Variants in CEP112 observed in about 807,000 individuals in gnomAD.
CEP112 encodes the protein centrosomal protein 112, also known as centrosomal protein of 112 kDa.
CEP112 carries 127 observed loss-of-function variants against 153.0 expected under a neutral mutation model. That is an observed-to-expected ratio of 0.83 (90% CI 0.72 to 0.96). CEP112 has a LOEUF of 0.96. Among genes scored for constraint, CEP112 ranks in the 40% least tolerant of loss-of-function variants. The probability of loss-of-function intolerance (pLI) is 0.00; values close to 1 mark genes in which losing one functional copy is unlikely to be tolerated. For synonymous variants in CEP112, 358 were observed against 374.4 expected (o/e 0.96, Z 0.51); for missense variants, 1,089 against 1,101.2 (o/e 0.99, Z 0.16).
intron 23 of CEP112, among the ~76,000 whole-genome samples, chr17:65,723,230 G>GA (rs1567917693): frequency 2.6e-5 from 4 of 151,856 alleles, no homozygotes; most frequent in South Asian, 4.2e-4. Flanking sequence ...CCATGCCAAA[G>GA]AAAAAAAACT....
rs150437345 is a variant in CEP112 at position 65,876,509 on chromosome 17, T to C, written c.2164-24475A>G. Among the ~76,000 whole-genome samples the C allele has an allele frequency of 1.7e-4, 26 of 152,334 alleles. 1 individual carries two copies. The East Asian group carries it at 5.0e-3, about 29-fold the overall frequency. On this transcript the variant is annotated intron_variant, in intron 20 of 26. Transcript: ENST00000535342. ...TTTTTGGGATCTCTCTTTTATTCCT[T>C]CTGTTCTGAAATGTAGCAATGATAT...
chr17:66,177,208 G>A (rs2072519165), intron 2 of CEP112, among the ~76,000 whole-genome samples, 188 bp from the exon 3 acceptor site: 1 of 152,224 alleles, frequency 6.6e-6, no homozygotes. Context: ...CTCTGCCACT[G>A]TAGCATGAAA....
intron 6 of CEP112, among the ~76,000 whole-genome samples, chr17:66,123,864 G>C (rs190519515): frequency 1.0e-3 from 155 of 151,884 alleles, no homozygotes; most frequent in African/African-American, 3.7e-3. Context: ...CCAATCTCTA[G>C]TTTAATTCTC....
At chr17:65,923,503 C>T (rs1321407127) in intron 19 of CEP112, among the ~76,000 whole-genome samples, 1 of 152,144 alleles carries the variant, frequency 6.6e-6, no homozygotes, top group African/African-American at 2.4e-5. Flanking sequence ...CATGATCATG[C>T]CACTGCACTC....
chr17:65,910,252 G>C (rs1295848619), intron 19 of CEP112, among the ~76,000 whole-genome samples: 2 of 152,120 alleles, frequency 1.3e-5, no homozygotes, highest in Admixed American at 6.5e-5. Context: ...AAATACCTGT[G>C]CCTTCATACT....
intron 20 of CEP112, among the ~76,000 whole-genome samples, chr17:65,856,469 G>A (rs1194514380): frequency 6.6e-6 from 1 of 152,060 alleles, no homozygotes; most frequent in Non-Finnish European, 1.5e-5. Context: ...TCTTAAGGAA[G>A]AGTACATATT....
intron 4 of CEP112, among the ~76,000 whole-genome samples, chr17:66,168,405 G>A (rs149710654): frequency 0.038 from 5,143 of 136,780 alleles, 127 homozygotes; most frequent in Middle Eastern, 0.064. Flanking sequence ...ATATATATGT[G>A]TATATGTGTG....
chr17:65,759,075 T>C (rs375106412), intron 21 of CEP112, among the ~76,000 whole-genome samples: 1 of 152,004 alleles, frequency 6.6e-6, no homozygotes, highest in South Asian at 2.1e-4. Context: ...AAAACCAAGA[T>C]GGTGATAAGA....
intron 21 of CEP112, among the ~76,000 whole-genome samples, chr17:65,780,871 T>G (rs1394402757): frequency 6.6e-6 from 1 of 152,152 alleles, no homozygotes; most frequent in East Asian, 1.9e-4. Context: ...AATCTAGGCA[T>G]TAGATGCCCC....
intron 17 of CEP112, among the ~76,000 whole-genome samples, chr17:65,985,133 G>A (rs148840367): frequency 0.013 from 1,954 of 152,222 alleles, 17 homozygotes; most frequent in Middle Eastern, 0.021. Flanking sequence ...GAGAGAAGCC[G>A]CAGTTGAAGG....
At chr17:66,072,859 T>C (rs2067354235) in intron 8 of CEP112, among the ~76,000 whole-genome samples, 1 of 152,182 alleles carries the variant, frequency 6.6e-6, no homozygotes, top group Admixed American at 6.6e-5. Flanking sequence ...AACTAGGGCA[T>C]GATGCCTGAT....
chr17:65,944,451 T>A (rs2061590680), intron 18 of CEP112, among the ~76,000 whole-genome samples: 1 of 152,260 alleles, frequency 6.6e-6, no homozygotes, highest in Non-Finnish European at 1.5e-5. Flanking sequence ...AGAATCATAT[T>A]TCTTTATTAA....
chr17:65,906,730 AT>A (rs1436205853), intron 19 of CEP112, among the ~76,000 whole-genome samples: 2 of 152,152 alleles, frequency 1.3e-5, no homozygotes, highest in Non-Finnish European at 2.9e-5. Flanking sequence ...ATAAATGTGT[AT>A]GCTTTGTTCT....
At chr17:66,133,961 C>T (rs1486129054) in intron 4 of CEP112, among the ~76,000 whole-genome samples, 1 of 151,778 alleles carries the variant, frequency 6.6e-6, no homozygotes, top group Non-Finnish European at 1.5e-5. Context: ...TTCAGTAGTA[C>T]AAACATCCAA....
chr17:65,652,097 A>G (rs186148392), intron 24 of CEP112, among the ~76,000 whole-genome samples: 2 of 152,144 alleles, frequency 1.3e-5, no homozygotes, highest in South Asian at 2.1e-4. Context: ...CAAAACCACA[A>G]TGTGATCTCT....
intron 23 of CEP112, among the ~76,000 whole-genome samples, chr17:65,726,112 G>A (rs1298036114): frequency 6.6e-6 from 1 of 152,074 alleles, no homozygotes; most frequent in Non-Finnish European, 1.5e-5. Context: ...AGGCTGAGGT[G>A]GGTGGATCAC....
chr17:65,976,135 C>T (rs1352885245), intron 17 of CEP112, among the ~76,000 whole-genome samples: 1 of 152,238 alleles, frequency 6.6e-6, no homozygotes, highest in Non-Finnish European at 1.5e-5. Flanking sequence ...TGCCTCTCTC[C>T]CCAGGGAGGG....
At chr17:66,117,913 C>G (rs2069377100) in intron 6 of CEP112, among the ~76,000 whole-genome samples, 1 of 151,994 alleles carries the variant, frequency 6.6e-6, no homozygotes, top group African/African-American at 2.4e-5. Flanking sequence ...GAAAAAAATA[C>G]TCAAATCATT....
chr17:66,037,970 C>T (rs1364955497), intron 12 of CEP112, among the ~76,000 whole-genome samples: 1 of 151,760 alleles, frequency 6.6e-6, no homozygotes, highest in Non-Finnish European at 1.5e-5. Flanking sequence ...CTAGCTGGTA[C>T]TGTCTGTGAA....
Sources: allele counts gnomAD v4.1 joint callset (sites outside exome capture counted in the v4.1 genomes callset), GRCh38; gene constraint gnomAD v4.1.1; transcripts MANE v1.5; gene names NCBI Gene and HGNC (gene_info 2026-07-23, HGNC 2026-07-21).